The following GRM5 variants were observed in gnomAD, a reference collection of about 807,000 sequenced individuals.
GRM5 encodes glutamate metabotropic receptor 5.
Under a neutral mutation model 83.1 loss-of-function variants are expected in GRM5, and 19 were observed. That is an observed-to-expected ratio of 0.23 (90% CI 0.16 to 0.34). The LOEUF is 0.34. Among genes scored for constraint, GRM5 ranks in the 10% least tolerant of loss-of-function variants. The pLI, the probability that GRM5 is intolerant of heterozygous loss-of-function variation, is 1.00. For synonymous variants in GRM5, 675 were observed against 633.6 expected (o/e 1.07, Z -0.98); for missense variants, 1,160 against 1,588.3 (o/e 0.73, Z 4.58).
At chr11:89,002,344 T>C (rs1318104364) in intron 2 of GRM5, among the ~76,000 whole-genome samples, 1 of 152,152 alleles carries the variant, frequency 6.6e-6, no homozygotes, top group Non-Finnish European at 1.5e-5. Flanking sequence ...GGATATGCAC[T>C]GATTTTGTTA....
intron 2 of GRM5, among the ~76,000 whole-genome samples, chr11:89,040,377 C>T (rs1941501386): frequency 6.6e-6 from 1 of 152,028 alleles, no homozygotes. Context: ...AACAAAAACG[C>T]TTCCAGATAA....
chr11:88,544,046 C>T (rs949085175), intron 8 of GRM5, among the ~76,000 whole-genome samples: 1 of 151,982 alleles, frequency 6.6e-6, no homozygotes, highest in Admixed American at 6.5e-5. Context: ...ATAAGTTTGT[C>T]TCCCATTTGC....
intron 2 of GRM5, among the ~76,000 whole-genome samples, chr11:88,935,294 T>A (rs940387165): frequency 1.3e-5 from 2 of 151,858 alleles, no homozygotes; most frequent in East Asian, 3.9e-4. Flanking sequence ...GTGACAAGAA[T>A]GTTTAGAATA....
rs192938915 is a variant in GRM5 at position 88,967,875 on chromosome 11, C to G, written c.661+79337G>C. On this transcript the variant is annotated intron_variant, in intron 2 of 9. Transcript: ENST00000305447. ...AGACAGACCAAGAGGAAGGAAATAC[C>G]TAACCTACCAAGGTCATCCATTGGA... Among the ~76,000 whole-genome samples the G allele has an allele frequency of 2.0e-5, 3 of 152,098 alleles. No individual in the cohort carries two copies. In the East Asian group the frequency reaches 5.8e-4, roughly 30 times the overall value.
intron 8 of GRM5, among the ~76,000 whole-genome samples, chr11:88,538,560 C>T (rs932774426): frequency 2.6e-5 from 4 of 152,122 alleles, no homozygotes; most frequent in Non-Finnish European, 5.9e-5. Context: ...AGACAGATAA[C>T]CTTACTATTT....
At chr11:88,722,837 C>A (rs1011884584) in intron 3 of GRM5, among the ~76,000 whole-genome samples, 1 of 152,106 alleles carries the variant, frequency 6.6e-6, no homozygotes, top group Non-Finnish European at 1.5e-5. Context: ...ATAGTTGTTA[C>A]AATTGATGAA....
chr11:88,655,688 G>T, intron 3 of GRM5, among the ~76,000 whole-genome samples: 3 of 147,870 alleles, frequency 2.0e-5, no homozygotes, highest in Non-Finnish European at 1.5e-5. Context: ...TTTTTTTTGA[G>T]GTATATATCT....
chr11:89,024,339 A>G (rs1941075197), intron 2 of GRM5, among the ~76,000 whole-genome samples: 1 of 152,252 alleles, frequency 6.6e-6, no homozygotes, highest in African/African-American at 2.4e-5. Context: ...GATACTGAGG[A>G]GACTATGCCT....
At chr11:88,840,988 A>G (rs1178187860) in intron 3 of GRM5, among the ~76,000 whole-genome samples, 1 of 152,172 alleles carries the variant, frequency 6.6e-6, no homozygotes, top group Admixed American at 6.5e-5. Context: ...CAACCAAAAG[A>G]CTGGTAGCTG....
intron 8 of GRM5, among the ~76,000 whole-genome samples, chr11:88,537,335 A>C (rs1942159141): frequency 6.6e-6 from 1 of 152,174 alleles, no homozygotes; most frequent in Non-Finnish European, 1.5e-5. Context: ...GTTTTCCTAG[A>C]CAGAAATACA....
intron 3 of GRM5, among the ~76,000 whole-genome samples, chr11:88,697,441 A>G (rs891973912): frequency 5.9e-5 from 9 of 152,186 alleles, no homozygotes; most frequent in Admixed American, 3.9e-4. Context: ...CTCAATACTC[A>G]TTTGTTAACC....
At chr11:88,598,983 G>C (rs956381502) in intron 5 of GRM5, among the ~76,000 whole-genome samples, 4 of 152,178 alleles carry the variant, frequency 2.6e-5, no homozygotes, top group African/African-American at 7.2e-5. Context: ...AAGCATCAGA[G>C]CTAGGACCTA....
chr11:88,733,698 A>G (rs1941853266), intron 3 of GRM5, among the ~76,000 whole-genome samples: 1 of 152,078 alleles, frequency 6.6e-6, no homozygotes, highest in Non-Finnish European at 1.5e-5. Flanking sequence ...GTTGACCCAC[A>G]GGTCTAGACA....
At chr11:88,798,046 T>G (rs1200433775) in intron 3 of GRM5, among the ~76,000 whole-genome samples, 1 of 152,166 alleles carries the variant, frequency 6.6e-6, no homozygotes, top group Non-Finnish European at 1.5e-5. Flanking sequence ...GACTGGAATC[T>G]CATGCTCTCC....
intron 3 of GRM5, among the ~76,000 whole-genome samples, chr11:88,817,533 AT>A (rs1943713858): frequency 6.6e-6 from 1 of 152,108 alleles, no homozygotes; most frequent in African/African-American, 2.4e-5. Context: ...TTGATTTCTA[AT>A]TTCTTTGACT....
chr11:88,902,685 GTA>G (rs1353768682), intron 2 of GRM5, among the ~76,000 whole-genome samples: 7 of 152,084 alleles, frequency 4.6e-5, no homozygotes, highest in African/African-American at 1.4e-4. Flanking sequence ...GCCGGGTGCA[GTA>G]GTTCACGCCT....
chr11:88,908,552 C>A (rs867044882), intron 2 of GRM5, among the ~76,000 whole-genome samples: 9 of 152,074 alleles, frequency 5.9e-5, no homozygotes, highest in African/African-American at 2.2e-4. Flanking sequence ...CTGCTCAAAG[C>A]ATAAAAATAA....
intron 2 of GRM5, among the ~76,000 whole-genome samples, chr11:88,866,793 C>G (rs1337722049): frequency 6.6e-6 from 1 of 152,198 alleles, no homozygotes; most frequent in East Asian, 1.9e-4. Flanking sequence ...TGCCTATGTC[C>G]TGAATGGTAT....
chr11:88,954,603 T>C (rs1021473033), intron 2 of GRM5, among the ~76,000 whole-genome samples: 7 of 152,320 alleles, frequency 4.6e-5, no homozygotes, highest in Admixed American at 2.6e-4. Context: ...CCAGTGGCTA[T>C]TGAGTACTTG....
Sources: allele counts gnomAD v4.1 joint callset (sites outside exome capture counted in the v4.1 genomes callset), GRCh38; gene constraint gnomAD v4.1.1; transcripts MANE v1.5; gene names NCBI Gene and HGNC (gene_info 2026-07-23, HGNC 2026-07-21).